Variants in LRRC37A2 observed in about 807,000 individuals in gnomAD.
The protein encoded by LRRC37A2 is leucine-rich repeat-containing protein 37A2.
In LRRC37A2, 9 loss-of-function variants were observed where a neutral mutation model predicts 68.8. The ratio of observed to expected loss-of-function variants is 0.13; its 90% confidence interval spans 0.08 to 0.23. The LOEUF (loss-of-function observed/expected upper bound fraction) is 0.23, where lower values mean the gene tolerates loss of function less well. LRRC37A2 is among the 10% of genes least tolerant of loss of function. The probability of loss-of-function intolerance (pLI) is 1.00; values close to 1 mark genes in which losing one functional copy is unlikely to be tolerated. For synonymous variants in LRRC37A2, 63 were observed against 367.6 expected (o/e 0.17, Z 9.48); for missense variants, 168 against 950.4 (o/e 0.18, Z 10.82).
At chr17:46,786,588 G>A in the LRRC37A2 span, among the ~76,000 whole-genome samples, 1 of 152,250 alleles carries the variant, frequency 6.6e-6, no homozygotes, top group African/African-American at 2.4e-5. Context: ...TGAGAGCTGG[G>A]TCCGTTTCTC....
the LRRC37A2 span, among the ~76,000 whole-genome samples, chr17:46,899,420 A>T: frequency 6.6e-6 from 1 of 151,636 alleles, no homozygotes; most frequent in African/African-American, 2.4e-5. Flanking sequence ...AAACAAACAA[A>T]CAAACCAACA....
the LRRC37A2 span, among the ~76,000 whole-genome samples, chr17:46,912,975 G>A: frequency 6.6e-6 from 1 of 152,220 alleles, no homozygotes; most frequent in Non-Finnish European, 1.5e-5. Context: ...TTTCTCTGAA[G>A]TTTAGTGTCC....
chr17:46,856,133 A>T, the LRRC37A2 span, among the ~76,000 whole-genome samples: 1 of 152,146 alleles, frequency 6.6e-6, no homozygotes, highest in Non-Finnish European at 1.5e-5. Flanking sequence ...CTCTCTAGGG[A>T]TAGTACAGAG....
At chr17:46,740,915 A>G in the LRRC37A2 span, among the ~76,000 whole-genome samples, 2 of 152,038 alleles carry the variant, frequency 1.3e-5, no homozygotes, top group Admixed American at 6.6e-5. Context: ...GCCCGTCTCA[A>G]TATCTTCTTA....
chr17:47,010,943 G>A, the LRRC37A2 span, among the ~76,000 whole-genome samples: 21 of 152,184 alleles, frequency 1.4e-4, no homozygotes, highest in African/African-American at 4.8e-4. Flanking sequence ...TTGTTTGTCC[G>A]AAATTCTGGG....
chr17:46,879,059 A>AT, the LRRC37A2 span, among the ~76,000 whole-genome samples: 2 of 152,212 alleles, frequency 1.3e-5, no homozygotes, highest in African/African-American at 4.8e-5. Flanking sequence ...TTTAAGGGAA[A>AT]TGCTCACAGG....
chr17:47,028,403 C>G, the LRRC37A2 span: 113 of 1,178,528 alleles, frequency 9.6e-5, no homozygotes, highest in South Asian at 9.9e-4. Flanking sequence ...AACTATTTAT[C>G]TACAAAAACT....
chr17:46,742,373 G>A, the LRRC37A2 span, among the ~76,000 whole-genome samples: 1 of 152,090 alleles, frequency 6.6e-6, no homozygotes, highest in Non-Finnish European at 1.5e-5. Context: ...AGCTATACTG[G>A]GATTATCATT....
chr17:46,949,349 T>A, the LRRC37A2 span: 1 of 151,764 alleles, frequency 6.6e-6, no homozygotes, highest in Non-Finnish European at 1.5e-5. Flanking sequence ...GTTCCAAGAG[T>A]GAGTATCCCA....
chr17:46,931,404 T>C, the LRRC37A2 span: 1 of 608,644 alleles, frequency 1.6e-6, no homozygotes, highest in East Asian at 2.8e-5. Flanking sequence ...GTGAGGTTTG[T>C]GACTCAGAAA....
the LRRC37A2 span, among the ~76,000 whole-genome samples, chr17:46,894,121 C>A: frequency 6.6e-6 from 1 of 152,224 alleles, no homozygotes; most frequent in Non-Finnish European, 1.5e-5. Flanking sequence ...TGAAACACCT[C>A]GAACATACAA....
At chr17:46,835,011 T>C in the LRRC37A2 span, among the ~76,000 whole-genome samples, 1 of 152,160 alleles carries the variant, frequency 6.6e-6, no homozygotes, top group South Asian at 2.1e-4. Flanking sequence ...TTCTTCTTTC[T>C]GGAGACAGGA....
At chr17:46,900,196 TATATATACAC>T in the LRRC37A2 span, among the ~76,000 whole-genome samples, 3 of 105,596 alleles carry the variant, frequency 2.8e-5, no homozygotes, top group Admixed American at 1.9e-4. Flanking sequence ...TATATATATA[TATATATACAC>T]ACACACACAC....
chr17:46,494,861 T>C, the LRRC37A2 span, among the ~76,000 whole-genome samples: 2 of 151,130 alleles, frequency 1.3e-5, no homozygotes, highest in Admixed American at 1.3e-4. Flanking sequence ...TTTTAAAATA[T>C]ACACTAAGTT....
At chr17:46,708,232 T>C in the LRRC37A2 span, among the ~76,000 whole-genome samples, 2 of 152,120 alleles carry the variant, frequency 1.3e-5, no homozygotes, top group South Asian at 2.1e-4. Flanking sequence ...CTGGATCATA[T>C]AGTAATTCTA....
the LRRC37A2 span, chr17:46,851,789 T>C: frequency 2.6e-6 from 2 of 782,336 alleles, no homozygotes; most frequent in Admixed American, 8.8e-5. This position sits in a 1 kb window ranked among gnomAD's most constrained non-coding sequence, Gnocchi z 4.3. Flanking sequence ...GCTGGGCCAA[T>C]TTTTCCCTCC....
chr17:46,813,470 C>CG, the LRRC37A2 span, among the ~76,000 whole-genome samples: 30 of 20,072 alleles, frequency 1.5e-3, no homozygotes, highest in African/African-American at 5.9e-3. Flanking sequence ...TAACCTTTGG[C>CG]GGGGGGTGGG....
intron 6 of LRRC37A2, among the ~76,000 whole-genome samples, chr17:46,535,060 A>G (rs1385644515): frequency 4.7e-5 from 7 of 148,390 alleles, no homozygotes; most frequent in African/African-American, 1.8e-4. Context: ...ATGCCCAGTT[A>G]TTTTCAAATT....
At chr17:46,535,265 T>C (rs1381379782) in intron 6 of LRRC37A2, among the ~76,000 whole-genome samples, 49 of 146,916 alleles carry the variant, frequency 3.3e-4, no homozygotes, top group Admixed American at 1.9e-3. Context: ...TGAGTTGCTT[T>C]TCTCTTGCTG....
Sources: allele counts gnomAD v4.1 joint callset (sites outside exome capture counted in the v4.1 genomes callset), GRCh38; gene constraint gnomAD v4.1.1; non-coding constraint Gnocchi (gnomAD v3.1); transcripts MANE v1.5; gene names NCBI Gene and HGNC (gene_info 2026-07-23, HGNC 2026-07-21).